HS6ST1: variants seen among roughly 807,000 people sequenced by gnomAD.
The protein encoded by HS6ST1 is heparan-sulfate 6-O-sulfotransferase 1.
HS6ST1 carries 3 observed loss-of-function variants against 25.2 expected under a neutral mutation model. That is an observed-to-expected ratio of 0.12 (90% CI 0.05 to 0.31). HS6ST1 has a LOEUF of 0.31. HS6ST1 is among the 10% of genes least tolerant of loss of function. The pLI is 1.00. For missense variants in HS6ST1, 310 were observed against 609.6 expected, an observed-to-expected ratio of 0.51 and a Z score of 5.18; for synonymous variants, 204 against 275.1, an observed-to-expected ratio of 0.74 and a Z score of 2.56.
intron 1 of HS6ST1, among the ~76,000 whole-genome samples, chr2:128,310,096 G>A (rs999037956): frequency 1.3e-5 from 2 of 152,192 alleles, no homozygotes; most frequent in East Asian, 3.8e-4. Context: ...AGGAGGGGCT[G>A]CCCAGGGCAC....
At chr2:128,272,616 G>C (rs1693626123) in intron 1 of HS6ST1, among the ~76,000 whole-genome samples, 1 of 152,204 alleles carries the variant, frequency 6.6e-6, no homozygotes, top group Admixed American at 6.5e-5. Flanking sequence ...GTCTTGAGGG[G>C]ACAGTGAGAC....
intron 1 of HS6ST1, among the ~76,000 whole-genome samples, chr2:128,313,268 C>T (rs528276526): frequency 6.6e-5 from 10 of 152,284 alleles, no homozygotes; most frequent in Admixed American, 3.3e-4. Flanking sequence ...CTATGCAGAA[C>T]ATTTACACAC....
At chr2:128,284,225 G>A (rs1418809573) in intron 1 of HS6ST1, among the ~76,000 whole-genome samples, 2 of 152,164 alleles carry the variant, frequency 1.3e-5, no homozygotes, top group Non-Finnish European at 2.9e-5. Flanking sequence ...ACCCAGCTTA[G>A]GCATCTCGGC....
intron 1 of HS6ST1, among the ~76,000 whole-genome samples, chr2:128,302,967 G>A (rs780661337): frequency 9.9e-5 from 15 of 152,128 alleles, no homozygotes; most frequent in Non-Finnish European, 1.9e-4. Flanking sequence ...TGCCTGCAAC[G>A]CCCTCCTGTC....
intron 1 of HS6ST1, among the ~76,000 whole-genome samples, chr2:128,301,850 C>T (rs976138787): frequency 3.9e-5 from 6 of 152,174 alleles, no homozygotes; most frequent in African/African-American, 1.4e-4. Flanking sequence ...TGTTCCTGGG[C>T]CCCACTGGCT....
At chr2:128,305,248 G>A (rs953612244) in intron 1 of HS6ST1, among the ~76,000 whole-genome samples, 9 of 152,246 alleles carry the variant, frequency 5.9e-5, no homozygotes, top group African/African-American at 1.9e-4. Context: ...GATGTTCTCT[G>A]CTGGGAACGT....
intron 1 of HS6ST1, among the ~76,000 whole-genome samples, chr2:128,314,306 G>A (rs375058989): frequency 2.0e-5 from 3 of 152,174 alleles, no homozygotes; most frequent in African/African-American, 7.2e-5. Context: ...GACTGACTCC[G>A]TGAACCTGAG....
chr2:128,313,469 C>A (rs1454535878), intron 1 of HS6ST1, among the ~76,000 whole-genome samples: 1 of 152,188 alleles, frequency 6.6e-6, no homozygotes. Context: ...AAAAACCATG[C>A]ATGGGGAATG....
At chr2:128,297,577 T>A (rs893810604) in intron 1 of HS6ST1, among the ~76,000 whole-genome samples, 4 of 152,128 alleles carry the variant, frequency 2.6e-5, no homozygotes, top group Admixed American at 2.6e-4. Flanking sequence ...CCTATAATTC[T>A]AGCACTTTGG....
In HS6ST1 at chr2:128,268,087, C is replaced by CTT; in HGVS notation, c.*73_*74dup. The CTT allele has an allele frequency of 5.7e-6, 6 of 1,060,382 alleles. No homozygotes were observed. The South Asian group carries it at 8.2e-5, about 14-fold the overall frequency. The allele number at this position is 1,060,382 out of a possible 1,614,324, so 65.7% of individuals were successfully genotyped here. A position where few individuals can be genotyped will look rare whatever the true frequency, so the allele number is the denominator to read the frequency against. ...TTTGGGATGCTCATCCCTTGACAGT[C>CTT]TTGGGTGGACCTGTCGTCTGTCCTG... On this transcript the variant is annotated 3_prime_UTR_variant, in exon 2 of 2. Transcript: ENST00000259241.
At chr2:128,280,079 AACAC>A (rs1485457569) in intron 1 of HS6ST1, among the ~76,000 whole-genome samples, 1 of 152,164 alleles carries the variant, frequency 6.6e-6, no homozygotes, top group African/African-American at 2.4e-5. Context: ...CTCACGGCAT[AACAC>A]ACCACCGTCA....
chr2:128,313,720 T>C (rs1285476979), intron 1 of HS6ST1, among the ~76,000 whole-genome samples: 2 of 152,048 alleles, frequency 1.3e-5, no homozygotes, highest in African/African-American at 4.8e-5. Flanking sequence ...TCCCTGGCCC[T>C]AGGGACCAAG....
intron 1 of HS6ST1, among the ~76,000 whole-genome samples, chr2:128,293,821 T>C (rs751157227): frequency 2.0e-5 from 3 of 152,190 alleles, no homozygotes; most frequent in Non-Finnish European, 4.4e-5. Flanking sequence ...AGGCCAGTGC[T>C]ATGTGAGCAG....
intron 1 of HS6ST1, among the ~76,000 whole-genome samples, chr2:128,310,741 G>A (rs909282399): frequency 6.6e-6 from 1 of 152,130 alleles, no homozygotes; most frequent in African/African-American, 2.4e-5. Context: ...GTGTGGGCGT[G>A]TACCTGCCAT....
rs61670210 is a variant in HS6ST1, at chr2:128,279,330, CT to C, written c.528-10461del. Among the ~76,000 whole-genome samples the C allele has an allele frequency of 6.1e-3, 764 of 124,698 alleles. 4 individuals carry two copies. The highest frequency in any genetic ancestry group is 0.015 in the African/African-American group (473 of 31,824). The allele number at this position is 124,698 out of a possible 152,430, so 81.8% of individuals were successfully genotyped here. On this transcript the variant is annotated intron_variant, in intron 1 of 1. Transcript: ENST00000259241. ...TCATTTAGAGTCAGAATGACAGAAC[CT>C]TTTTTTTTTTTTTTTTTTTTTAAGA...
chr2:128,296,854 A>G (rs1421618536), intron 1 of HS6ST1, among the ~76,000 whole-genome samples: 2 of 152,262 alleles, frequency 1.3e-5, no homozygotes, highest in Non-Finnish European at 2.9e-5. Context: ...CTGCATAAAT[A>G]GAGTAACTTA....
chr2:128,285,113 G>A (rs1306460778), intron 1 of HS6ST1, among the ~76,000 whole-genome samples: 3 of 152,184 alleles, frequency 2.0e-5, no homozygotes, highest in Non-Finnish European at 4.4e-5. Context: ...GCGTGCTCTA[G>A]GTCGCCGACC....
intron 1 of HS6ST1, among the ~76,000 whole-genome samples, chr2:128,277,164 TC>T (rs1693708928): frequency 6.6e-6 from 1 of 152,158 alleles, no homozygotes; most frequent in South Asian, 2.1e-4. Flanking sequence ...CTAAGGGATC[TC>T]CCTCATTGCT....
In HS6ST1 at chr2:128,277,515, G is replaced by A. The variant is rs77855342; in HGVS notation, c.528-8645C>T. Among the ~76,000 whole-genome samples, 1,190 of 152,298 alleles carry A rather than the reference G, an allele frequency of 7.8e-3. 12 individuals carry two copies. Among genetic ancestry groups the A allele is most frequent in the African/African-American group, 0.025 (1,022 of 41,568 alleles). On this transcript the variant is annotated intron_variant, in intron 1 of 1. Coordinates refer to ENST00000259241, the MANE Select transcript of HS6ST1 (RefSeq NM_004807.3). ...TGTGATGTGTGGCCATCCCCGAGGC[G>A]CCCTATCTGTAGTGGGGGTCACCTG...
Sources: allele counts gnomAD v4.1 joint callset (sites outside exome capture counted in the v4.1 genomes callset), GRCh38; gene constraint gnomAD v4.1.1; transcripts MANE v1.5; gene names NCBI Gene and HGNC (gene_info 2026-07-23, HGNC 2026-07-21).